Variants in PLEKHG1 observed in about 807,000 individuals in gnomAD.
PLEKHG1 encodes the protein pleckstrin homology and RhoGEF domain containing G1.
Under a neutral mutation model 100.8 loss-of-function variants are expected in PLEKHG1, and 44 were observed. The observed-to-expected ratio is 0.44, with a 90% CI of 0.34 to 0.56. The LOEUF (loss-of-function observed/expected upper bound fraction) is 0.56, where lower values mean the gene tolerates loss of function less well. PLEKHG1 is among the 20% of genes least tolerant of loss of function. The probability of loss-of-function intolerance (pLI) is 0.01; values close to 1 mark genes in which losing one functional copy is unlikely to be tolerated. For synonymous variants in PLEKHG1, 640 were observed against 662.5 expected (o/e 0.97, Z 0.52); for missense variants, 1,545 against 1,720.9 (o/e 0.90, Z 1.81).
chr6:150,726,839 A>G (rs185753520), intron 1 of PLEKHG1, among the ~76,000 whole-genome samples: 2 of 152,304 alleles, frequency 1.3e-5, no homozygotes, highest in East Asian at 3.9e-4. Flanking sequence ...GAAAATCCAT[A>G]TTGCTGTGAG....
At chr6:150,722,914 C>G (rs1332282300) in intron 1 of PLEKHG1, among the ~76,000 whole-genome samples, 1 of 152,218 alleles carries the variant, frequency 6.6e-6, no homozygotes, top group African/African-American at 2.4e-5. Context: ...CAGGAAGGTA[C>G]TGTTCAAAGC....
chr6:150,792,428 C>T (rs1404715657), intron 4 of PLEKHG1, among the ~76,000 whole-genome samples: 1 of 151,216 alleles, frequency 6.6e-6, no homozygotes, highest in Admixed American at 6.6e-5. Context: ...AATCCCAACA[C>T]TCTGGGAGGC....
exon 16 of PLEKHG1, chr6:150,842,441 T>C (rs1777566434): frequency 6.6e-6 from 1 of 152,226 alleles, no homozygotes; most frequent in African/African-American, 2.4e-5. Context: ...CCTATGCCTC[T>C]TTTTCTTAAC....
chr6:150,796,028 T>C, intron 5 of PLEKHG1, 126 bp downstream of exon 6: 1 of 614,438 alleles, frequency 1.6e-6, no homozygotes, highest in Non-Finnish European at 2.9e-6. Context: ...ATGGGAAGAA[T>C]GCAAAACGTG....
chr6:150,831,468 C>T lies in PLEKHG1; in HGVS notation c.2357C>T (p.Ser786Phe), dbSNP rs1353800436. Residue 786 changes from serine (S) to phenylalanine (F), a missense_variant, in exon 15 of 16, where the codon TCC becomes TTC. Transcript: ENST00000358517. The surrounding 1 kb of genome is among the most constrained non-coding windows in gnomAD (Gnocchi z 4.1). The stretch of plus-strand genomic sequence containing the variant: ...TGTGACAGCCTGAGGCCATTTGTTT[C>T]CCAAGACAGCCTCCAGCTCAGTGAG... The T allele has an allele frequency of 6.2e-7, 1 of 1,614,152 alleles. No homozygotes were observed. Among genetic ancestry groups the T allele is most frequent in the South Asian group, 1.1e-5 (1 of 91,084 alleles).
chr6:150,620,711 C>T (rs562432802), intron 1 of PLEKHG1, among the ~76,000 whole-genome samples: 4 of 152,300 alleles, frequency 2.6e-5, no homozygotes, highest in South Asian at 2.1e-4. Context: ...TCTCTATACC[C>T]GTTTTGTGCC....
At chr6:150,821,341 T>A (rs1451427371) in intron 13 of PLEKHG1, 108 bp downstream of exon 14, 4 of 769,120 alleles carry the variant, frequency 5.2e-6, no homozygotes, top group Admixed American at 2.5e-5. Context: ...CAGATTTGAT[T>A]TGATTACAAA....
At chr6:150,686,988 A>T (rs1458115196) in intron 3 of PLEKHG1, 1 of 152,690 alleles carries the variant, frequency 6.5e-6, no homozygotes, top group Admixed American at 6.5e-5. Context: ...ATTGCAATTC[A>T]GGGTATGTTT....
At chr6:150,769,391 G>A (rs927042943) in intron 3 of PLEKHG1, among the ~76,000 whole-genome samples, 6 of 151,812 alleles carry the variant, frequency 4.0e-5, no homozygotes, top group Admixed American at 6.6e-5. Flanking sequence ...AGACCAGCCT[G>A]GCCAATATGG....
intron 1 of PLEKHG1, chr6:150,605,538 C>A (rs1371235493): frequency 6.6e-6 from 1 of 152,168 alleles, no homozygotes; most frequent in Non-Finnish European, 1.5e-5. Flanking sequence ...TTATTGAGAA[C>A]CTACTATGCC....
At chr6:150,830,781 A>G (rs766909658) in exon 15 of PLEKHG1, 1 of 1,614,122 alleles carries the variant, frequency 6.2e-7, no homozygotes, top group South Asian at 1.1e-5. Flanking sequence ...GATGATGAAG[A>G]TGATTATCAG....
exon 16 of PLEKHG1, chr6:150,841,935 G>C (rs1317897463): frequency 6.6e-6 from 1 of 152,202 alleles, no homozygotes; most frequent in Non-Finnish European, 1.5e-5. Context: ...AATAGGGCAA[G>C]AATCTATTTC....
chr6:150,778,424 A>G (rs1018791198), intron 3 of PLEKHG1, among the ~76,000 whole-genome samples: 2 of 152,090 alleles, frequency 1.3e-5, no homozygotes, highest in African/African-American at 4.8e-5. Flanking sequence ...CACTGTACCC[A>G]GCCTGCAATC....
chr6:150,692,898 C>T (rs930052533), intron 3 of PLEKHG1, among the ~76,000 whole-genome samples: 3 of 152,098 alleles, frequency 2.0e-5, no homozygotes, highest in Non-Finnish European at 2.9e-5. Flanking sequence ...CAAGGGCAGG[C>T]GTTAGCATAA....
chr6:150,634,183 G>A (rs1250289126), intron 1 of PLEKHG1, among the ~76,000 whole-genome samples: 1 of 150,096 alleles, frequency 6.7e-6, no homozygotes, highest in Non-Finnish European at 1.5e-5. Flanking sequence ...GGCAGAGGTT[G>A]CAGTGAGCTG....
At position 150,786,857 on chromosome 6, in the gene PLEKHG1, C is replaced by G. The variant is rs552805977; in HGVS notation, c.582+398C>G. On this transcript the variant is annotated intron_variant, in intron 4 of 15. Coordinates refer to ENST00000358517, the Ensembl canonical transcript of PLEKHG1. ...CCAGCCTGGCCAACATGGTGAAACC[C>G]CGTCTCTACTAAAAACACAAAAATT... 5.3e-5 allele frequency among the ~76,000 whole-genome samples: 8 copies of G among 151,764 alleles called. No homozygotes were observed. The East Asian group carries it at 1.4e-3, about 26-fold the overall frequency.
chr6:150,801,490 T>G (rs1583158668), intron 6 of PLEKHG1, among the ~76,000 whole-genome samples: 2 of 149,264 alleles, frequency 1.3e-5, no homozygotes, highest in South Asian at 4.2e-4. Context: ...CAGGCTGGCG[T>G]ACAGTGGTGT....
intron 1 of PLEKHG1, among the ~76,000 whole-genome samples, chr6:150,629,843 T>A (rs1326892628): frequency 2.0e-5 from 3 of 152,218 alleles, no homozygotes; most frequent in Non-Finnish European, 4.4e-5. Context: ...ACCAAAATAA[T>A]AATGATAATT....
chr6:150,676,967 A>G (rs186445964), intron 3 of PLEKHG1, among the ~76,000 whole-genome samples: 19 of 151,866 alleles, frequency 1.3e-4, no homozygotes, highest in Non-Finnish European at 1.8e-4. Context: ...AACTATAGGC[A>G]TTCTCCCTGC....
Sources: gnomAD v4.1 joint callset for allele counts (sites outside exome capture counted in the v4.1 genomes callset) on GRCh38, gnomAD v4.1.1 for gene constraint, Gnocchi (gnomAD v3.1) non-coding constraint, MANE v1.5 for transcripts, NCBI Gene and HGNC (gene_info 2026-07-23, HGNC 2026-07-21) for gene names.